Variants in TRAPPC12 observed in about 807,000 individuals in gnomAD.
TRAPPC12 encodes TPR repeat protein 15.
A neutral mutation model predicts 69.2 loss-of-function variants in TRAPPC12; 61 were observed. The observed-to-expected ratio is 0.88, with a 90% confidence interval of 0.72 to 1.09. TRAPPC12 has a LOEUF of 1.09. TRAPPC12 is among the 50% of genes least tolerant of loss of function. The probability of loss-of-function intolerance (pLI) is 0.00; values close to 1 mark genes in which losing one functional copy is unlikely to be tolerated. For missense variants in TRAPPC12, 1,101 were observed against 1,016.4 expected (o/e 1.08, Z -1.13); for synonymous variants, 469 against 438.9 (o/e 1.07, Z -0.86).
At chr2:3,405,716 A>G (rs1439451075) in intron 3 of TRAPPC12, among the ~76,000 whole-genome samples, 1 of 152,184 alleles carries the variant, frequency 6.6e-6, no homozygotes, top group Non-Finnish European at 1.5e-5. Context: ...ACTCAGATTT[A>G]GAAGTGCTAT....
chr2:3,474,862 T>C (rs1666230469), intron 9 of TRAPPC12, among the ~76,000 whole-genome samples: 1 of 151,874 alleles, frequency 6.6e-6, no homozygotes, highest in South Asian at 2.1e-4. Context: ...TTTATTATTA[T>C]GAATCTGCCT....
intron 9 of TRAPPC12, chr2:3,466,138 C>T: frequency 2.4e-6 from 1 of 410,656 alleles, no homozygotes; most frequent in Non-Finnish European, 5.2e-6. Flanking sequence ...CGGCAGGACC[C>T]CCTTTGCTAA....
chr2:3,453,134 A>G (rs11693961), intron 6 of TRAPPC12, among the ~76,000 whole-genome samples: 29,341 of 152,240 alleles, frequency 0.19, 3,513 homozygotes, highest in African/African-American at 0.33. Flanking sequence ...CTGCAAATGG[A>G]CATGATGCTG....
At chr2:3,450,735 A>G (rs1385354187) in intron 6 of TRAPPC12, among the ~76,000 whole-genome samples, 1 of 152,182 alleles carries the variant, frequency 6.6e-6, no homozygotes, top group African/African-American at 2.4e-5. Flanking sequence ...TCTCCAGAAC[A>G]GAGCTGCTCC....
intron 2 of TRAPPC12, among the ~76,000 whole-genome samples, chr2:3,396,994 G>A (rs1373072125): frequency 6.6e-6 from 1 of 151,870 alleles, no homozygotes; most frequent in Non-Finnish European, 1.5e-5. Context: ...GAAAAAAAAA[G>A]GAAAGAAAGA....
At position 3,387,792 on chromosome 2, in the gene TRAPPC12, CCT is replaced by C. The variant is rs1293726463; in HGVS notation, c.173_174del (p.Leu58ArgfsTer16). The C allele has an allele frequency of 6.2e-7, 1 of 1,613,472 alleles. No homozygotes were observed. Among genetic ancestry groups the C allele is most frequent in the Non-Finnish European group, 8.5e-7 (1 of 1,179,638 alleles). On this transcript the variant is annotated frameshift_variant, in exon 2 of 12. Transcript: ENST00000324266. LOFTEE classifies it high-confidence loss of function. ...ENETASEGSS[P>X]LADKLNEHMM... ...CGAGACCGCATCGGAAGGCTCGAGT[CCT>C]CTCGCGGACAAGCTGAACGAACACA...
Position 3,387,656 on chromosome 2 carries a change from G to A in TRAPPC12, c.33G>A (p.Pro11=), listed in dbSNP as rs554005350. 1.3e-5 allele frequency: 20 copies of A among 1,547,576 alleles called. 1 individual carries two copies. The South Asian group carries it at 1.8e-4, about 14-fold the overall frequency. MEDAGGGEET[P]APEAPHPPQL... ...ACGCTGGCGGCGGCGAGGAGACCCC[G>A]GCCCCGGAGGCCCCGCACCCCCCTC... The change falls in exon 2 of 12, where the codon CCG becomes CCA. Residue 11 remains proline (P), a synonymous_variant. Coordinates refer to ENST00000324266, the MANE Select transcript of TRAPPC12 (RefSeq NM_016030.6).
chr2:3,475,657 G>A (rs1666259584), intron 9 of TRAPPC12, among the ~76,000 whole-genome samples: 1 of 152,126 alleles, frequency 6.6e-6, no homozygotes, highest in Non-Finnish European at 1.5e-5. Context: ...CTGAGACATT[G>A]AGTAAAGTCC....
chr2:3,402,543 C>T (rs953821582), intron 3 of TRAPPC12, among the ~76,000 whole-genome samples: 3 of 151,894 alleles, frequency 2.0e-5, no homozygotes, highest in Admixed American at 1.3e-4. Context: ...TGCAGTGAGC[C>T]GAGATCACAC....
intron 3 of TRAPPC12, among the ~76,000 whole-genome samples, chr2:3,411,874 A>G (rs1662082522): frequency 6.6e-6 from 1 of 152,222 alleles, no homozygotes; most frequent in Non-Finnish European, 1.5e-5. Flanking sequence ...TATGTTTTCC[A>G]CAGCACCTGA....
intron 3 of TRAPPC12, among the ~76,000 whole-genome samples, chr2:3,416,446 C>T (rs1440427104): frequency 3.9e-5 from 6 of 152,014 alleles, no homozygotes; most frequent in Non-Finnish European, 8.8e-5. Flanking sequence ...ACTGCAGGGC[C>T]CCCAGGCCAC....
At chr2:3,445,321 G>A (rs1422396047) in intron 6 of TRAPPC12, among the ~76,000 whole-genome samples, 1 of 152,190 alleles carries the variant, frequency 6.6e-6, no homozygotes, top group African/African-American at 2.4e-5. Flanking sequence ...GGAGGCTGAG[G>A]TTGCAGTAAG....
At chr2:3,400,492 G>A (rs1661379012) in intron 2 of TRAPPC12, among the ~76,000 whole-genome samples, 1 of 152,138 alleles carries the variant, frequency 6.6e-6, no homozygotes, top group Non-Finnish European at 1.5e-5. Flanking sequence ...AGGTGTTTCA[G>A]GGACCTCAGT....
At chr2:3,440,258 A>G (rs551997170) in intron 5 of TRAPPC12, among the ~76,000 whole-genome samples, 1 of 152,338 alleles carries the variant, frequency 6.6e-6, no homozygotes, top group East Asian at 1.9e-4. Flanking sequence ...TTGGGGCTGC[A>G]TCGAATCTGT....
At chr2:3,469,975 C>T (rs1024388249) in intron 9 of TRAPPC12, among the ~76,000 whole-genome samples, 3 of 152,174 alleles carry the variant, frequency 2.0e-5, no homozygotes, top group Admixed American at 6.5e-5. Context: ...AAGGGAGGCT[C>T]GGCATTTTCT....
At chr2:3,426,291 G>T (rs1418647239) in intron 5 of TRAPPC12, among the ~76,000 whole-genome samples, 1 of 152,252 alleles carries the variant, frequency 6.6e-6, no homozygotes, top group African/African-American at 2.4e-5. Flanking sequence ...TTGATTTCAT[G>T]GAAGTGAACC....
At chr2:3,445,407 C>T (rs1664454631) in intron 6 of TRAPPC12, among the ~76,000 whole-genome samples, 1 of 152,170 alleles carries the variant, frequency 6.6e-6, no homozygotes, top group South Asian at 2.1e-4. Context: ...AAACTGCATA[C>T]TACAGTGTAA....
intron 1 of TRAPPC12, among the ~76,000 whole-genome samples, chr2:3,380,697 G>A (rs1231448623): frequency 6.6e-6 from 1 of 152,192 alleles, no homozygotes; most frequent in African/African-American, 2.4e-5. Flanking sequence ...ATTACACAGT[G>A]TTACTCATTC....
chr2:3,402,258 G>A (rs1445212072), intron 3 of TRAPPC12, among the ~76,000 whole-genome samples: 1 of 152,118 alleles, frequency 6.6e-6, no homozygotes, highest in Admixed American at 6.5e-5. Context: ...GTGAATTTCT[G>A]AACATTTTTA....
Sources: gnomAD v4.1 joint callset for allele counts (sites outside exome capture counted in the v4.1 genomes callset) on GRCh38, gnomAD v4.1.1 for gene constraint, MANE v1.5 for transcripts, NCBI Gene and HGNC (gene_info 2026-07-23, HGNC 2026-07-21) for gene names.